Variants in ASB3 observed in about 807,000 individuals in gnomAD.
The protein encoded by ASB3 is ankyrin repeat and SOCS box protein 3.
A neutral mutation model predicts 54.5 loss-of-function variants in ASB3; 41 were observed. The observed-to-expected ratio is 0.75, with a 90% CI of 0.59 to 0.98. ASB3 has a LOEUF of 0.98. ASB3 is among the 50% of genes least tolerant of loss of function. The pLI is 0.00. For missense variants in ASB3, 733 were observed against 620.0 expected, an observed-to-expected ratio of 1.18 and a Z score of -1.94; for synonymous variants, 266 against 221.2, an observed-to-expected ratio of 1.20 and a Z score of -1.80.
intron 9 of ASB3, among the ~76,000 whole-genome samples, chr2:53,689,513 T>C (rs773167306): frequency 6.6e-6 from 1 of 152,234 alleles, no homozygotes; most frequent in African/African-American, 2.4e-5. Context: ...TTCATTATTA[T>C]CAGAAAGGAT....
intron 1 of ASB3, chr2:53,767,767 C>A: frequency 1.6e-6 from 2 of 1,240,996 alleles, no homozygotes; most frequent in African/African-American, 1.5e-5. Flanking sequence ...CTTTGCGCCC[C>A]AAGTGGCCAT....
chr2:53,710,932 C>A (rs1670059554), intron 7 of ASB3, among the ~76,000 whole-genome samples: 1 of 151,718 alleles, frequency 6.6e-6, no homozygotes. Flanking sequence ...TCAAGACCAG[C>A]CTAGGCAACA....
At chr2:53,689,612 C>G (rs1668803906) in intron 9 of ASB3, among the ~76,000 whole-genome samples, 1 of 152,094 alleles carries the variant, frequency 6.6e-6, no homozygotes, top group African/African-American at 2.4e-5. Flanking sequence ...CCTTGGTGTA[C>G]TTACCACAGA....
At chr2:53,722,869 G>T (rs777436628) in intron 5 of ASB3, among the ~76,000 whole-genome samples, 8 of 152,094 alleles carry the variant, frequency 5.3e-5, no homozygotes, top group Non-Finnish European at 1.0e-4. Context: ...GAAATAAAAG[G>T]CATCCAAATA....
chr2:53,767,746 C>A, intron 1 of ASB3: 3 of 945,470 alleles, frequency 3.2e-6, no homozygotes, highest in African/African-American at 1.7e-5. Context: ...TGGATCTAAA[C>A]TCCCAGTGCG....
rs146685982 is a variant in ASB3, at chr2:53,677,671, A to C, written c.1370-6981T>G. 2.5e-3 allele frequency among the ~76,000 whole-genome samples: 377 copies of C among 152,374 alleles called. 1 individual carries two copies. Among genetic ancestry groups the C allele is most frequent in the African/African-American group, 8.8e-3 (368 of 41,584 alleles). Reference sequence around the variant, plus strand: ...ACTTTTTGTCTTTTGCTATTGAATAAGAAAACTCAAAAAGAGTTCTAAGCC... The same window carrying C: ...ACTTTTTGTCTTTTGCTATTGAATACGAAAACTCAAAAAGAGTTCTAAGCC... On this transcript the variant is annotated intron_variant, in intron 9 of 9. Coordinates refer to ENST00000263634, the MANE Select transcript of ASB3 (RefSeq NM_016115.5).
chr2:53,759,191 C>A (rs1451422871), intron 2 of ASB3, among the ~76,000 whole-genome samples: 2 of 152,080 alleles, frequency 1.3e-5, no homozygotes, highest in Non-Finnish European at 1.5e-5. Context: ...CCAGTGTAGA[C>A]CCTCACTGGG....
chr2:53,685,975 A>T lies in ASB3; in HGVS notation c.1369+7909T>A, dbSNP rs76042682. 8.2e-3 allele frequency among the ~76,000 whole-genome samples: 1,247 copies of T among 152,268 alleles called. 13 individuals carry two copies. The highest frequency in any genetic ancestry group is 0.029 in the African/African-American group (1,186 of 41,538). On this transcript the variant is annotated intron_variant, in intron 9 of 9. Transcript: ENST00000263634. ...TCCTGTATGGAACTGTCACATGGGAACTCCCTTAAAAAGGGTCATGACAGA... is the reference window on the plus strand; with the variant it reads ...TCCTGTATGGAACTGTCACATGGGATCTCCCTTAAAAAGGGTCATGACAGA...
At chr2:53,783,870 G>A (rs372311524) in intron 1 of ASB3, among the ~76,000 whole-genome samples, 22 of 152,218 alleles carry the variant, frequency 1.4e-4, no homozygotes, top group African/African-American at 4.8e-4. Context: ...TACAAGGTGG[G>A]AAAAAAATCT....
intron 1 of ASB3, chr2:53,767,642 A>G: frequency 1.9e-6 from 1 of 514,990 alleles, no homozygotes; most frequent in Non-Finnish European, 3.5e-6. Flanking sequence ...CTGCAAAAGA[A>G]TCCATTGCTT....
chr2:53,780,803 T>C (rs1054452153), intron 1 of ASB3, among the ~76,000 whole-genome samples: 7 of 151,950 alleles, frequency 4.6e-5, no homozygotes, highest in African/African-American at 1.7e-4. Flanking sequence ...ATAAATAAAA[T>C]ACAACCAGAA....
intron 3 of ASB3, among the ~76,000 whole-genome samples, chr2:53,730,523 T>C (rs1671245190): frequency 6.6e-6 from 1 of 152,194 alleles, no homozygotes; most frequent in South Asian, 2.1e-4. Flanking sequence ...TGCATCCATC[T>C]TTACAGTAGA....
At position 53,707,961 on chromosome 2, in the gene ASB3, C is replaced by CAAA. The variant is rs199571236; in HGVS notation, c.980+6420_980+6422dup. ...TGGGTGATAGAGTCAGACTCTGTCT[C>CAAA]AAAAAAAAAAAAAAAAGAAAGAAAG... is the stretch of plus-strand genomic sequence containing the variant. On this transcript the variant is annotated intron_variant, in intron 7 of 9. Coordinates refer to ENST00000263634, the MANE Select transcript of ASB3 (RefSeq NM_016115.5). Among the ~76,000 whole-genome samples, 391 of 113,802 alleles carry CAAA rather than the reference C, an allele frequency of 3.4e-3. 5 individuals are homozygous for CAAA. The highest frequency in any genetic ancestry group is 0.012 in the African/African-American group (374 of 31,588). 74.7% of individuals were successfully genotyped at this position (113,802 alleles called of 152,430 possible). A position where few individuals can be genotyped will look rare whatever the true frequency, so the allele number is the denominator to read the frequency against.
At position 53,699,220 on chromosome 2, in the gene ASB3, C is replaced by G. The variant is rs895741205; in HGVS notation, c.1238+1051G>C. On this transcript the variant is annotated intron_variant, in intron 8 of 9. Coordinates refer to ENST00000263634, the MANE Select transcript of ASB3 (RefSeq NM_016115.5). ...ACCCACCAGTCCCATCACTGGGGCA[C>G]CATCTTGATGATCTTATCTAATCCT... Among the ~76,000 whole-genome samples, 13 of 152,184 alleles carry G rather than the reference C, an allele frequency of 8.5e-5. 1 individual carries two copies. Among genetic ancestry groups the G allele is most frequent in the Admixed American group, 5.9e-4 (9 of 15,278 alleles).
chr2:53,731,385 C>T (rs539268229), intron 3 of ASB3, among the ~76,000 whole-genome samples: 15 of 151,764 alleles, frequency 9.9e-5, no homozygotes, highest in Non-Finnish European at 1.6e-4. Context: ...CCAGCCTGGG[C>T]GACAGAGCAA....
At chr2:53,755,691 C>G (rs1205419678) in intron 2 of ASB3, among the ~76,000 whole-genome samples, 2 of 152,176 alleles carry the variant, frequency 1.3e-5, no homozygotes, top group African/African-American at 4.8e-5. Context: ...CAACCCTCAG[C>G]AGAGACTTCA....
chr2:53,677,341 T>C (rs1029164071), intron 9 of ASB3, among the ~76,000 whole-genome samples: 17 of 152,190 alleles, frequency 1.1e-4, no homozygotes, highest in African/African-American at 3.9e-4. Flanking sequence ...TGTATCTCTT[T>C]TCTGGTGCAT....
At chr2:53,705,051 A>C (rs1669695203) in intron 7 of ASB3, among the ~76,000 whole-genome samples, 1 of 152,172 alleles carries the variant, frequency 6.6e-6, no homozygotes, top group Non-Finnish European at 1.5e-5. Flanking sequence ...CAAAATTCCC[A>C]CAATCAAATT....
At chr2:53,714,612 TG>T (rs1334486877) in intron 6 of ASB3, 31 bp from the exon 7 acceptor site, 2 of 1,605,972 alleles carry the variant, frequency 1.2e-6, no homozygotes, top group Non-Finnish European at 1.7e-6. Flanking sequence ...GAGAATTTAG[TG>T]TTTGTATATG....
Sources: allele counts gnomAD v4.1 joint callset (sites outside exome capture counted in the v4.1 genomes callset), GRCh38; gene constraint gnomAD v4.1.1; transcripts MANE v1.5; gene names NCBI Gene and HGNC (gene_info 2026-07-23, HGNC 2026-07-21).